HADHA: variants seen among roughly 807,000 people sequenced by gnomAD.
HADHA encodes hydroxyacyl-CoA dehydrogenase trifunctional multienzyme complex subunit alpha.
A neutral mutation model predicts 91.3 loss-of-function variants in HADHA; 59 were observed. The ratio of observed to expected loss-of-function variants is 0.65; its 90% CI spans 0.52 to 0.80. HADHA has a LOEUF of 0.80. Ranked by LOEUF, HADHA falls within the 30% of genes least tolerant of loss-of-function variation. HADHA has a pLI of 0.00. For missense variants in HADHA, 800 were observed against 927.6 expected (o/e 0.86, Z 1.79); for synonymous variants, 320 against 338.9 (o/e 0.94, Z 0.61).
Position 26,191,102 on chromosome 2 carries a change from T to G in HADHA, c.*148A>C. 1 of 758,936 alleles carries G rather than the reference T, an allele frequency of 1.3e-6. No homozygotes were observed. Among genetic ancestry groups the G allele is most frequent in the Non-Finnish European group, 2.3e-6 (1 of 437,614 alleles). 47.0% of individuals were successfully genotyped at this position (758,936 alleles called of 1,614,324 possible). A position where few individuals can be genotyped will look rare whatever the true frequency, so the allele number is the denominator to read the frequency against. The stretch of plus-strand genomic sequence containing the variant: ...CTTCACCAGGAGGGAGAGATGGTCT[T>G]GGCTGAAGGCACTTTAATCAGGGAG... On this transcript the variant is annotated 3_prime_UTR_variant, in exon 20 of 20. Coordinates refer to ENST00000380649, the MANE Select transcript of HADHA (RefSeq NM_000182.5).
Position 26,214,973 on chromosome 2 carries a change from C to T in HADHA, c.799+80G>A. 1 of 1,261,772 alleles carries T rather than the reference C, an allele frequency of 7.9e-7. No homozygotes were observed. The highest frequency in any genetic ancestry group is 2.3e-5 in the East Asian group (1 of 43,308). The allele number at this position is 1,261,772 out of a possible 1,614,324, so 78.2% of individuals were successfully genotyped here. A position where few individuals can be genotyped will look rare whatever the true frequency, so the allele number is the denominator to read the frequency against. ...TGAGTAAATAATGCATTTACCACTT[C>T]CTCATTTTGAATCTACAGCAAATAA... On this transcript the variant is annotated intron_variant, in intron 8 of 19. Coordinates refer to ENST00000380649, the MANE Select transcript of HADHA (RefSeq NM_000182.5). The surrounding 1 kb of genome is among the most constrained non-coding windows in gnomAD (Gnocchi z 4.1).
At chr2:26,202,549 T>C (rs901055838) in intron 12 of HADHA, among the ~76,000 whole-genome samples, 5 of 152,184 alleles carry the variant, frequency 3.3e-5, no homozygotes, top group African/African-American at 9.7e-5. Context: ...AAGACAAGCC[T>C]AACCAACATG....
intron 7 of HADHA, among the ~76,000 whole-genome samples, chr2:26,223,900 C>G (rs1670430143): frequency 6.6e-6 from 1 of 152,160 alleles, no homozygotes; most frequent in African/African-American, 2.4e-5. Flanking sequence ...GCATGTACCA[C>G]CACGCCTGGC....
intron 14 of HADHA, among the ~76,000 whole-genome samples, chr2:26,195,763 C>T (rs138669324): frequency 2.1e-4 from 32 of 152,292 alleles, no homozygotes; most frequent in African/African-American, 6.7e-4. Flanking sequence ...GTGTAGTACC[C>T]GGACCCAACA....
chr2:26,215,514 C>T (rs186811189), intron 7 of HADHA, among the ~76,000 whole-genome samples: 6 of 152,254 alleles, frequency 3.9e-5, no homozygotes, highest in Admixed American at 1.3e-4. Flanking sequence ...AAGAAGAAAT[C>T]ATGAAATCAT....
chr2:26,234,951 A>G (rs1670711897), intron 4 of HADHA: 1 of 152,472 alleles, frequency 6.6e-6, no homozygotes, highest in Non-Finnish European at 1.5e-5. Flanking sequence ...ATGACGCAAA[A>G]GAAAAGCTTC....
chr2:26,201,082 TAAAA>T (rs199611032), intron 13 of HADHA, 63 bp downstream of exon 13: 3 of 1,152,670 alleles, frequency 2.6e-6, no homozygotes, highest in Non-Finnish European at 3.8e-6. Context: ...ATAGCTCCTT[TAAAA>T]AAAAAATCTC....
intron 5 of HADHA, among the ~76,000 whole-genome samples, chr2:26,233,402 T>C (rs549896839): frequency 6.6e-6 from 1 of 152,378 alleles, no homozygotes; most frequent in African/African-American, 2.4e-5. Context: ...ATGTGGTAAA[T>C]GACTGCATAT....
intron 7 of HADHA, among the ~76,000 whole-genome samples, chr2:26,216,121 G>C (rs1383732461): frequency 6.6e-6 from 1 of 152,100 alleles, no homozygotes; most frequent in Non-Finnish European, 1.5e-5. Flanking sequence ...GGAATCCAAA[G>C]AACACAATTT....
intron 17 of HADHA, 41 bp downstream of exon 17, chr2:26,193,536 G>T: frequency 6.7e-7 from 1 of 1,493,498 alleles, no homozygotes; most frequent in East Asian, 2.3e-5. Flanking sequence ...TTAGAACTTT[G>T]TAACTAATGG....
intron 14 of HADHA, among the ~76,000 whole-genome samples, chr2:26,195,829 C>T (rs552470607): frequency 5.3e-5 from 8 of 152,274 alleles, no homozygotes; most frequent in African/African-American, 1.9e-4. Context: ...CTAGCCCAGC[C>T]CTACTGAATC....
At position 26,194,638 on chromosome 2, in the gene HADHA, C is replaced by T; in HGVS notation, c.1621G>A (p.Asp541Asn). ...KQGKVIIVVK[D>N]GPGFYTTRCL... ...CTGGTAGTATAGAAGCCAGGTCCATCCTGCCAAGGAAGAGAACATGAGCTC... is the reference window on the plus strand; with the variant it reads ...CTGGTAGTATAGAAGCCAGGTCCATTCTGCCAAGGAAGAGAACATGAGCTC... Residue 541 changes from aspartate to asparagine, a missense_variant and splice_region_variant, in exon 16 of 20, where the codon GAT becomes AAT. Asp to Asn is a conservative substitution (Grantham distance 23, BLOSUM62 1). Transcript: ENST00000380649. 6.2e-7 allele frequency: 1 copy of T among 1,605,138 alleles called. No individual in the cohort carries two copies. Among genetic ancestry groups the T allele is most frequent in the Non-Finnish European group, 8.5e-7 (1 of 1,172,418 alleles).
At position 26,230,233 on chromosome 2, in the gene HADHA, G is replaced by A. The variant is rs762005454; in HGVS notation, c.635C>T (p.Ala212Val). ...TTGGTCAACCAGTCCCATTTTCTTT[G>A]CCCTGTCTGCACGAATGCTTCTACC... is the stretch of plus-strand genomic sequence containing the variant. The part of the protein sequence containing the change: ...LTGRSIRADR[A>V]KKMGLVDQLV... The change falls in exon 7 of 20, where the codon GCA (alanine) becomes GTA (valine). Residue 212 changes from alanine to valine, a missense_variant. Ala to Val is a moderately conservative substitution (Grantham distance 64, BLOSUM62 0). Transcript: ENST00000380649. 2 of 1,613,402 alleles carry A rather than the reference G, an allele frequency of 1.2e-6. No homozygotes were observed. Among genetic ancestry groups the A allele is most frequent in the South Asian group, 2.2e-5 (2 of 91,062 alleles).
intron 4 of HADHA, among the ~76,000 whole-genome samples, chr2:26,236,379 T>C (rs372138069): frequency 1.3e-5 from 1 of 76,432 alleles, no homozygotes; most frequent in Non-Finnish European, 2.8e-5. Context: ...ATATATATAC[T>C]CTGTGTGTGT....
At chr2:26,217,875 T>A (rs1434021721) in intron 7 of HADHA, among the ~76,000 whole-genome samples, 2 of 151,926 alleles carry the variant, frequency 1.3e-5, no homozygotes, top group African/African-American at 4.8e-5. Context: ...CCACTGCACT[T>A]TAACCTGGGC....
At chr2:26,239,054 A>C (rs1235930377) in intron 2 of HADHA, 48 bp downstream of exon 2, 2 of 1,572,226 alleles carry the variant, frequency 1.3e-6, no homozygotes, top group Non-Finnish European at 1.8e-6. Context: ...TGCAACATAA[A>C]TCCAAAAAGC....
In HADHA at chr2:26,191,356, A is replaced by G. The variant is rs143434901; in HGVS notation, c.2186T>C (p.Ile729Thr). 7 of 1,614,052 alleles carry G rather than the reference A, an allele frequency of 4.3e-6. No individual in the cohort carries two copies. The African/African-American group carries it at 9.3e-5, about 22-fold the overall frequency. The change falls in exon 20 of 20, where the codon ATA becomes ACA. Residue 729 changes from isoleucine (I) to threonine (T), a missense_variant. Coordinates refer to ENST00000380649, the MANE Select transcript of HADHA (RefSeq NM_000182.5). ...RFVDLYGAQK[I>T]VDRLKKYEAA... Reference sequence around the variant, plus strand: ...TTCATATTTCTTGAGCCGGTCCACTATCTTCTGGGCGCCATACAGATCCAC... The same window carrying G: ...TTCATATTTCTTGAGCCGGTCCACTGTCTTCTGGGCGCCATACAGATCCAC...
intron 7 of HADHA, among the ~76,000 whole-genome samples, chr2:26,218,591 C>T (rs1387906604): frequency 2.0e-5 from 3 of 151,948 alleles, no homozygotes; most frequent in Non-Finnish European, 2.9e-5. Flanking sequence ...AACAAATATA[C>T]CAATATATAC....
Sources: gnomAD v4.1 joint callset for allele counts (sites outside exome capture counted in the v4.1 genomes callset) on GRCh38, gnomAD v4.1.1 for gene constraint, Gnocchi (gnomAD v3.1) non-coding constraint, MANE v1.5 for transcripts, NCBI Gene and HGNC (gene_info 2026-07-23, HGNC 2026-07-21) for gene names.